USP4: variants seen among roughly 807,000 people sequenced by gnomAD.
USP4 encodes the protein ubiquitin specific peptidase 4.
A neutral mutation model predicts 118.2 loss-of-function variants in USP4; 72 were observed. That is an observed-to-expected ratio of 0.61 (90% CI 0.50 to 0.74). The LOEUF is 0.74. Ranked by LOEUF, USP4 falls within the 30% of genes least tolerant of loss-of-function variation. The pLI, the probability that USP4 is intolerant of heterozygous loss-of-function variation, is 0.00. For missense variants in USP4, 1,037 were observed against 1,185.7 expected (o/e 0.87, Z 1.84); for synonymous variants, 415 against 440.4 (o/e 0.94, Z 0.72).
chr3:49,334,737 G>A (rs796656449), intron 2 of USP4, among the ~76,000 whole-genome samples: 8 of 152,146 alleles, frequency 5.3e-5, no homozygotes, highest in East Asian at 3.9e-4. Flanking sequence ...GGCTGGTCTC[G>A]AACTCCTGAC....
At chr3:49,305,678 A>G (rs751570954) in intron 9 of USP4, 37 bp downstream of exon 9, 1 of 1,512,154 alleles carries the variant, frequency 6.6e-7, no homozygotes, top group Non-Finnish European at 8.8e-7. Flanking sequence ...ATCTATATAC[A>G]GGGATACCCA....
At chr3:49,286,816 C>CTCTATCTATCTA (rs57920190) in intron 15 of USP4, among the ~76,000 whole-genome samples, 13,308 of 141,236 alleles carry the variant, frequency 0.094, 943 homozygotes, top group East Asian at 0.31. Flanking sequence ...ACTCTAGCCA[C>CTCTATCTATCTA]TCTATCTATC....
At chr3:49,286,351 G>A (rs769069770) in intron 15 of USP4, 26 bp from the exon 16 acceptor site, 78 of 1,599,864 alleles carry the variant, frequency 4.9e-5, no homozygotes, top group Admixed American at 8.5e-5. Context: ...AAAACAATAT[G>A]TATATAATTT....
intron 13 of USP4, 112 bp from the exon 14 acceptor site, chr3:49,294,710 T>C: frequency 9.5e-7 from 1 of 1,052,394 alleles, no homozygotes; most frequent in Admixed American, 2.6e-5. Context: ...CAGAGCATAT[T>C]TGAGTAGAAA....
chr3:49,317,623 G>T, intron 6 of USP4: 2 of 571,828 alleles, frequency 3.5e-6, no homozygotes, highest in Non-Finnish European at 6.1e-6. Flanking sequence ...CTCACTGCAT[G>T]CTCCGCCTCC....
chr3:49,324,648 G>T, intron 6 of USP4, 54 bp downstream of exon 6: 2 of 1,517,846 alleles, frequency 1.3e-6, no homozygotes, highest in Non-Finnish European at 9.2e-7. Flanking sequence ...CCTTAGGAAA[G>T]ACTGTCTCTT....
At chr3:49,303,753 C>G (rs557704686) in intron 9 of USP4, among the ~76,000 whole-genome samples, 1 of 151,954 alleles carries the variant, frequency 6.6e-6, no homozygotes, top group Non-Finnish European at 1.5e-5. Flanking sequence ...CCACCCAATT[C>G]TTTTTTATTT....
intron 2 of USP4, among the ~76,000 whole-genome samples, chr3:49,328,054 G>A (rs1361570621): frequency 6.6e-6 from 1 of 152,022 alleles, no homozygotes; most frequent in African/African-American, 2.4e-5. Flanking sequence ...TGGAGGGAGA[G>A]AAGAGGATAA....
In USP4 at chr3:49,327,242, G is replaced by A. The variant is rs372144466; in HGVS notation, c.360+444C>T. Reference sequence around the variant, plus strand: ...TCACTCACAACCACAATTTCCTAAAGAGAACCAGAAACAGGCTGGGCGTAG... The same window carrying A: ...TCACTCACAACCACAATTTCCTAAAAAGAACCAGAAACAGGCTGGGCGTAG... On this transcript the variant is annotated intron_variant, in intron 3 of 21. Transcript: ENST00000265560. Among the ~76,000 whole-genome samples the A allele has an allele frequency of 1.3e-3, 201 of 152,090 alleles. 8 individuals carry two copies. In the South Asian group the frequency reaches 0.041, roughly 31 times the overall value.
chr3:49,300,513 A>G lies in USP4; in HGVS notation c.1466T>C (p.Met489Thr). The G allele has an allele frequency of 1.2e-6, 2 of 1,614,186 alleles. No individual in the cohort carries two copies. Among genetic ancestry groups the G allele is most frequent in the Admixed American group, 1.7e-5 (1 of 60,006 alleles). The change falls in exon 11 of 22, where the codon ATG becomes ACG. Residue 489 changes from methionine to threonine, a missense_variant. Coordinates refer to ENST00000265560, the MANE Select transcript of USP4 (RefSeq NM_003363.4). Reference sequence around the variant, plus strand: ...GTCAGCAGGAACCAGGAAAACCTCCATAACTCGATCTTTCTTCAAGGGCAG... The same window carrying G: ...GTCAGCAGGAACCAGGAAAACCTCCGTAACTCGATCTTTCTTCAAGGGCAG... ...LPLPLKKDRV[M>T]EVFLVPADPH... is the part of the protein sequence containing the mutation.
At chr3:49,303,056 G>A (rs2047276926) in intron 9 of USP4, among the ~76,000 whole-genome samples, 1 of 152,090 alleles carries the variant, frequency 6.6e-6, no homozygotes, top group African/African-American at 2.4e-5. Context: ...CACATTCTCA[G>A]GCCCCACACC....
At chr3:49,281,063 G>A (rs547544896) in intron 19 of USP4, among the ~76,000 whole-genome samples, 62 of 152,276 alleles carry the variant, frequency 4.1e-4, no homozygotes, top group African/African-American at 1.4e-3. Flanking sequence ...GCTCATGCCT[G>A]TAATCCCAGC....
intron 9 of USP4, among the ~76,000 whole-genome samples, chr3:49,305,019 C>T (rs919817139): frequency 6.6e-6 from 1 of 151,262 alleles, no homozygotes; most frequent in African/African-American, 2.4e-5. Context: ...GCCTCAGCCT[C>T]CCAAAGTGCT....
intron 5 of USP4, 46 bp downstream of exon 5, chr3:49,324,848 A>G (rs1478632115): frequency 6.2e-7 from 1 of 1,613,742 alleles, no homozygotes; most frequent in South Asian, 1.1e-5. Flanking sequence ...CTGGCCACAC[A>G]CCCTGGGCAG....
chr3:49,318,416 C>A (rs755605079), intron 6 of USP4: 121 of 985,364 alleles, frequency 1.2e-4, no homozygotes, highest in Non-Finnish European at 1.4e-4. Context: ...GGGCTGGCAA[C>A]CTTAAAGGGC....
chr3:49,309,028 T>C (rs2047351426), intron 8 of USP4, among the ~76,000 whole-genome samples: 1 of 135,778 alleles, frequency 7.4e-6, no homozygotes, highest in South Asian at 2.3e-4. Flanking sequence ...AAAGAGATGC[T>C]GTCTCAAAAA....
Position 49,294,553 on chromosome 3 carries a change from C to T in USP4, c.1737G>A (p.Thr579=), listed in dbSNP as rs1009982945. 1.2e-5 allele frequency: 20 copies of T among 1,614,026 alleles called. No homozygotes were observed. The highest frequency in any genetic ancestry group is 1.4e-5 in the Non-Finnish European group (17 of 1,180,020). The change falls in exon 14 of 22, where the codon ACG becomes ACA. Residue 579 remains threonine, a synonymous_variant. Transcript: ENST00000265560. The part of the protein sequence containing the change: ...STSVDGSECV[T]LPVYFRERKS... Reference sequence around the variant, plus strand: ...TCCTCTCCCTGAAGTAGACTGGAAGCGTGACACATTCCGAGCCATCCACGG... The same window carrying T: ...TCCTCTCCCTGAAGTAGACTGGAAGTGTGACACATTCCGAGCCATCCACGG...
At chr3:49,329,573 G>A (rs763203521) in intron 2 of USP4, among the ~76,000 whole-genome samples, 1 of 152,022 alleles carries the variant, frequency 6.6e-6, no homozygotes, top group South Asian at 2.1e-4. Context: ...GCTAATTTTC[G>A]TATTTTTTAT....
At chr3:49,339,743 C>T (rs895440174) in intron 1 of USP4, among the ~76,000 whole-genome samples, 181 bp downstream of exon 1, 3 of 152,202 alleles carry the variant, frequency 2.0e-5, no homozygotes, top group Non-Finnish European at 4.4e-5. Flanking sequence ...GACACTCAGG[C>T]CCCGCCTGCG....
Sources: allele counts gnomAD v4.1 joint callset (sites outside exome capture counted in the v4.1 genomes callset), GRCh38; gene constraint gnomAD v4.1.1; transcripts MANE v1.5; gene names NCBI Gene and HGNC (gene_info 2026-07-23, HGNC 2026-07-21).